Variants in RUNDC3B observed in about 807,000 individuals in gnomAD.
RUNDC3B encodes the protein RUN domain-containing protein 3B.
Under a neutral mutation model 58.4 loss-of-function variants are expected in RUNDC3B, and 33 were observed. That is an observed-to-expected ratio of 0.56 (90% CI 0.43 to 0.75). RUNDC3B has a LOEUF of 0.75. Ranked by LOEUF, RUNDC3B falls within the 30% of genes least tolerant of loss-of-function variation. The pLI, the probability that RUNDC3B is intolerant of heterozygous loss-of-function variation, is 0.00. For synonymous variants in RUNDC3B, 193 were observed against 195.2 expected (o/e 0.99, Z 0.10); for missense variants, 501 against 535.7 (o/e 0.94, Z 0.64).
intron 2 of RUNDC3B, among the ~76,000 whole-genome samples, chr7:87,658,408 A>C (rs1824336227): frequency 6.6e-6 from 1 of 152,172 alleles, no homozygotes; most frequent in Non-Finnish European, 1.5e-5. Flanking sequence ...CCTGTGGGAC[A>C]ATAACAAAAG....
At chr7:87,714,931 C>A (rs1033845356) in intron 4 of RUNDC3B, among the ~76,000 whole-genome samples, 13 of 152,048 alleles carry the variant, frequency 8.5e-5, no homozygotes, top group African/African-American at 2.7e-4. Context: ...ACGTCACGCG[C>A]TGTTGGCTCA....
rs185121480 is a variant in RUNDC3B, at chr7:87,754,254, C to G, written c.629+12675C>G. On this transcript the variant is annotated intron_variant, in intron 6 of 10. Coordinates refer to ENST00000394654, the MANE Select transcript of RUNDC3B (RefSeq NM_001134405.2). ...TACCAAACACACTCTTGGACCACAGCACAACCAAAATAGAAGTCAAGACTC... is the reference window on the plus strand; with the variant it reads ...TACCAAACACACTCTTGGACCACAGGACAACCAAAATAGAAGTCAAGACTC... 1.2e-4 allele frequency among the ~76,000 whole-genome samples: 19 copies of G among 152,278 alleles called. No individual in the cohort carries two copies. The East Asian group carries it at 3.3e-3, about 26-fold the overall frequency.
intron 8 of RUNDC3B, among the ~76,000 whole-genome samples, chr7:87,804,089 A>G (rs1417487847): frequency 2.0e-5 from 3 of 152,178 alleles, no homozygotes; most frequent in Non-Finnish European, 4.4e-5. Flanking sequence ...GAGACTCACC[A>G]CAAAGCAATA....
intron 2 of RUNDC3B, among the ~76,000 whole-genome samples, chr7:87,651,666 A>C (rs916859426): frequency 6.6e-6 from 1 of 152,114 alleles, no homozygotes; most frequent in Non-Finnish European, 1.5e-5. Context: ...ACAGTTTCAC[A>C]TCAGTAGTAG....
chr7:87,661,241 T>A (rs1824680622), intron 2 of RUNDC3B, among the ~76,000 whole-genome samples: 1 of 151,978 alleles, frequency 6.6e-6, no homozygotes, highest in African/African-American at 2.4e-5. Flanking sequence ...ACTTCAAGCA[T>A]TCATTTTTTT....
intron 2 of RUNDC3B, among the ~76,000 whole-genome samples, chr7:87,665,678 C>A (rs1181708562): frequency 6.6e-6 from 1 of 151,868 alleles, no homozygotes; most frequent in African/African-American, 2.4e-5. Flanking sequence ...GTTTTTGATC[C>A]TCTCCTTCCT....
At chr7:87,723,360 A>G (rs1831019892) in intron 4 of RUNDC3B, among the ~76,000 whole-genome samples, 1 of 152,224 alleles carries the variant, frequency 6.6e-6, no homozygotes, top group South Asian at 2.1e-4. Context: ...AATGTAGAAT[A>G]CTGAGACATA....
At chr7:87,725,150 TTACA>T (rs916035152) in intron 4 of RUNDC3B, among the ~76,000 whole-genome samples, 21 of 152,300 alleles carry the variant, frequency 1.4e-4, no homozygotes, top group African/African-American at 4.8e-4. Flanking sequence ...TGCAGGTTTG[TTACA>T]TATGTATACA....
rs1470858549 is a variant in RUNDC3B, at chr7:87,819,961, C to T, written c.1225+3699C>T. Among the ~76,000 whole-genome samples, 17 of 152,134 alleles carry T rather than the reference C, an allele frequency of 1.1e-4. No homozygotes were observed. The East Asian group carries it at 3.3e-3, about 29-fold the overall frequency. ...GAAAGATCCAAAATTGACACCCTAACATCACAATTAAAAGAACTAGAAAAG... is the reference window on the plus strand; with the variant it reads ...GAAAGATCCAAAATTGACACCCTAATATCACAATTAAAAGAACTAGAAAAG... On this transcript the variant is annotated intron_variant, in intron 10 of 10. Coordinates refer to ENST00000394654, the MANE Select transcript of RUNDC3B (RefSeq NM_001134405.2).
rs1300589925 is a variant in RUNDC3B at position 87,813,702 on chromosome 7, G to A, written c.1104-2439G>A. ...AGCTAAAAGAGGTAAGATTTTGGCC[G>A]GGCGCAGTGGCTCACACCTGTAATC... On this transcript the variant is annotated intron_variant, in intron 9 of 10. Transcript: ENST00000394654. 5.3e-5 allele frequency among the ~76,000 whole-genome samples: 8 copies of A among 152,036 alleles called. No individual in the cohort carries two copies. The East Asian group carries it at 1.2e-3, about 22-fold the overall frequency.
At chr7:87,637,961 A>G (rs1375059224) in intron 1 of RUNDC3B, among the ~76,000 whole-genome samples, 1 of 152,024 alleles carries the variant, frequency 6.6e-6, no homozygotes, top group Non-Finnish European at 1.5e-5. Flanking sequence ...AAATTTTATT[A>G]TTAAATAGGA....
At position 87,648,303 on chromosome 7, in the gene RUNDC3B, C is replaced by G. The variant is rs376416411; in HGVS notation, c.123-2519C>G. Among the ~76,000 whole-genome samples the G allele has an allele frequency of 4.6e-5, 7 of 151,924 alleles. No homozygotes were observed. The East Asian group carries it at 1.4e-3, about 29-fold the overall frequency. ...TGATCATGGGAATGTGCACATTTCT[C>G]CTGTTTAAGAGAATCTAGATATGCA... On this transcript the variant is annotated intron_variant, in intron 1 of 10. Coordinates refer to ENST00000394654, the MANE Select transcript of RUNDC3B (RefSeq NM_001134405.2).
At chr7:87,824,261 G>T (rs1395166180) in intron 10 of RUNDC3B, among the ~76,000 whole-genome samples, 5 of 152,188 alleles carry the variant, frequency 3.3e-5, no homozygotes, top group African/African-American at 1.2e-4. Flanking sequence ...GAGGAACCCA[G>T]TGGGAGGTGA....
intron 2 of RUNDC3B, among the ~76,000 whole-genome samples, chr7:87,677,068 A>C (rs562440301): frequency 3.9e-5 from 6 of 152,320 alleles, no homozygotes; most frequent in Admixed American, 2.0e-4. Context: ...AACAGTATGG[A>C]GGTTCCTCAA....
chr7:87,803,190 G>A (rs1365803527), intron 8 of RUNDC3B, among the ~76,000 whole-genome samples: 1 of 152,096 alleles, frequency 6.6e-6, no homozygotes, highest in Non-Finnish European at 1.5e-5. Context: ...ATTCCCAGAA[G>A]GACTTGCTTA....
chr7:87,679,551 A>G (rs1355119271), intron 2 of RUNDC3B, among the ~76,000 whole-genome samples: 1 of 149,830 alleles, frequency 6.7e-6, no homozygotes, highest in Non-Finnish European at 1.5e-5. Flanking sequence ...CACTACACCC[A>G]GCTAATTTTT....
intron 3 of RUNDC3B, chr7:87,709,328 T>C (rs1829867957): frequency 6.1e-6 from 6 of 985,300 alleles, no homozygotes; most frequent in Non-Finnish European, 7.2e-6. Context: ...ACACCGCTAC[T>C]AGTTTCTGTG....
At chr7:87,703,912 TG>T (rs1829339496) in intron 3 of RUNDC3B, among the ~76,000 whole-genome samples, 858 of 62,696 alleles carry the variant, frequency 0.014, no homozygotes, top group Non-Finnish European at 0.016. Flanking sequence ...TTTTTTTTTT[TG>T]GTTTTTTTTT....
chr7:87,771,373 A>G (rs1834271897), intron 7 of RUNDC3B, among the ~76,000 whole-genome samples: 1 of 152,216 alleles, frequency 6.6e-6, no homozygotes, highest in East Asian at 1.9e-4. Flanking sequence ...AATTTTATCT[A>G]TACAGATAGC....
Sources: allele counts gnomAD v4.1 joint callset (sites outside exome capture counted in the v4.1 genomes callset), GRCh38; gene constraint gnomAD v4.1.1; transcripts MANE v1.5; gene names NCBI Gene and HGNC (gene_info 2026-07-23, HGNC 2026-07-21).